The following RNF10 variants were observed in gnomAD, a reference collection of about 807,000 sequenced individuals.
The protein encoded by RNF10 is E3 ubiquitin-protein ligase RNF10.
RNF10 carries 38 observed loss-of-function variants against 91.4 expected under a neutral mutation model. That is an observed-to-expected ratio of 0.42 (90% CI 0.32 to 0.54). The LOEUF (loss-of-function observed/expected upper bound fraction) is 0.54, where lower values mean the gene tolerates loss of function less well. Ranked by LOEUF, RNF10 falls within the 20% of genes least tolerant of loss-of-function variation. The probability of loss-of-function intolerance (pLI) is 0.16; values close to 1 mark genes in which losing one functional copy is unlikely to be tolerated. For synonymous variants in RNF10, 364 were observed against 366.3 expected, an observed-to-expected ratio of 0.99 and a Z score of 0.07; for missense variants, 945 against 1,012.0, an observed-to-expected ratio of 0.93 and a Z score of 0.90.
At position 120,576,885 on chromosome 12, in the gene RNF10, G is replaced by T; in HGVS notation, c.*219G>T. On this transcript the variant is annotated 3_prime_UTR_variant, in exon 17 of 17. Transcript: ENST00000325954. The stretch of plus-strand genomic sequence containing the variant: ...ACACCAAAATAAAGTATTGACACAA[G>T]AGATCTCTTCCTGCCAAGGTTTTTA... 1 of 534,020 alleles carries T rather than the reference G, an allele frequency of 1.9e-6. No individual in the cohort carries two copies. The highest frequency in any genetic ancestry group is 3.2e-6 in the Non-Finnish European group (1 of 309,592). 33.1% of individuals were successfully genotyped at this position (534,020 alleles called of 1,614,324 possible). A position where few individuals can be genotyped will look rare whatever the true frequency, so the allele number is the denominator to read the frequency against.
intron 2 of RNF10, among the ~76,000 whole-genome samples, chr12:120,546,999 C>T (rs935598162): frequency 2.0e-5 from 3 of 152,106 alleles, no homozygotes; most frequent in African/African-American, 4.8e-5. Context: ...AGTTTCTTAG[C>T]TATGCTTCTG....
chr12:120,565,424 G>A lies in RNF10; in HGVS notation c.1784-4G>A. The A allele has an allele frequency of 6.2e-7, 1 of 1,613,860 alleles. No individual in the cohort carries two copies. The highest frequency in any genetic ancestry group is 1.1e-5 in the South Asian group (1 of 91,070). On this transcript the variant is annotated splice_region_variant and splice_polypyrimidine_tract_variant and intron_variant, in intron 11 of 16. Transcript: ENST00000325954. ...TACCTCTTTACAACCTGACCAATCTGCAGATGACATTGAGAAGAGGAAACG... is the reference window on the plus strand; with the variant it reads ...TACCTCTTTACAACCTGACCAATCTACAGATGACATTGAGAAGAGGAAACG...
chr12:120,537,835 C>T (rs1179875496), intron 1 of RNF10, among the ~76,000 whole-genome samples: 2 of 152,104 alleles, frequency 1.3e-5, no homozygotes, highest in African/African-American at 4.8e-5. Flanking sequence ...TAATCCACTG[C>T]TTGCATTTAG....
intron 2 of RNF10, among the ~76,000 whole-genome samples, chr12:120,549,164 TG>T (rs1256574809): frequency 1.3e-5 from 2 of 152,044 alleles, no homozygotes; most frequent in African/African-American, 2.4e-5. Context: ...AAGGAAGGCC[TG>T]GTGATGGAGG....
In RNF10 at chr12:120,562,940, G is replaced by A. The variant is rs563786892; in HGVS notation, c.1129-5G>A. On this transcript the variant is annotated splice_region_variant and splice_polypyrimidine_tract_variant and intron_variant, in intron 7 of 16. Transcript: ENST00000325954. The stretch of plus-strand genomic sequence containing the variant: ...CTTCTCTGGTGTTCTCTCTGGCCAC[G>A]TTAGACTCGGGAAGAGGCTCTGTCG... 1.5e-4 allele frequency: 240 copies of A among 1,613,878 alleles called. 5 individuals are homozygous for A. The South Asian group carries it at 2.4e-3, about 16-fold the overall frequency.
chr12:120,535,443 C>T (rs554304682), intron 1 of RNF10: 1 of 152,570 alleles, frequency 6.6e-6, no homozygotes, highest in Admixed American at 6.5e-5. Context: ...ATCCATTCCT[C>T]TGTCGAAGAG....
At chr12:120,539,513 C>G (rs928218735) in intron 1 of RNF10, 4 of 957,264 alleles carry the variant, frequency 4.2e-6, no homozygotes, top group Non-Finnish European at 5.8e-6. Context: ...GCAGCAGAAA[C>G]TTGCTGACTG....
rs1873704986 is a variant in RNF10 at position 120,554,748 on chromosome 12, C to A, written c.585C>A (p.Asp195Glu). The change falls in exon 4 of 17, where the codon GAC becomes GAA. Residue 195 changes from aspartate to glutamate, a missense_variant. Transcript: ENST00000325954. The stretch of plus-strand genomic sequence containing the variant: ...AATTTGTGGTGTCTGAAGACCAAGA[C>A]TACACAGCTCATTTTGCTGATCCTG... ...NCQFVVSEDQ[D>E]YTAHFADPDT... 3.1e-6 allele frequency: 5 copies of A among 1,614,128 alleles called. No homozygotes were observed. Among genetic ancestry groups the A allele is most frequent in the Non-Finnish European group, 4.2e-6 (5 of 1,179,980 alleles).
At chr12:120,574,713 G>T (rs897276317) in intron 14 of RNF10, 1 of 343,046 alleles carries the variant, frequency 2.9e-6, no homozygotes, top group Non-Finnish European at 5.7e-6. Flanking sequence ...ATCACCTGAG[G>T]TCAGGAGTTC....
intron 13 of RNF10, among the ~76,000 whole-genome samples, chr12:120,570,018 G>A (rs1876388833): frequency 6.6e-6 from 1 of 151,930 alleles, no homozygotes; most frequent in Admixed American, 6.6e-5. Flanking sequence ...CCAGCCTCCT[G>A]AGTAGCTGTG....
At chr12:120,558,850 G>A (rs1223052625) in intron 6 of RNF10, among the ~76,000 whole-genome samples, 2 of 151,716 alleles carry the variant, frequency 1.3e-5, no homozygotes, top group African/African-American at 4.8e-5. Flanking sequence ...GATTACAGGC[G>A]TGAGCCACTG....
chr12:120,552,420 A>C (rs1873242715), intron 2 of RNF10, 79 bp from the exon 3 acceptor site: 1 of 1,240,722 alleles, frequency 8.1e-7, no homozygotes, highest in South Asian at 1.3e-5. Context: ...GCTGTGTAAA[A>C]GGAGGGTTTT....
chr12:120,547,368 T>C (rs897640560), intron 2 of RNF10, among the ~76,000 whole-genome samples: 6 of 152,188 alleles, frequency 3.9e-5, no homozygotes, highest in Admixed American at 3.9e-4. Context: ...CATGGCTCAC[T>C]GCAGCCTTGA....
chr12:120,563,989 C>A lies in RNF10; in HGVS notation c.1665+46C>A, dbSNP rs200067824. 6 of 1,610,802 alleles carry A rather than the reference C, an allele frequency of 3.7e-6. No individual in the cohort carries two copies. The African/African-American group carries it at 8.0e-5, about 22-fold the overall frequency. On this transcript the variant is annotated intron_variant, in intron 10 of 16. Transcript: ENST00000325954. The stretch of plus-strand genomic sequence containing the variant: ...TGGAGGGTCAGGCAGCAGTATTAAC[C>A]TAATCTCTTTGAGGTAGGCCTAGCC...
intron 3 of RNF10, among the ~76,000 whole-genome samples, chr12:120,553,062 T>G (rs1873385261): frequency 5.3e-4 from 3 of 5,672 alleles, no homozygotes; most frequent in Non-Finnish European, 5.1e-4. Context: ...TTTTTTTTTT[T>G]TTTTTTTTTT....
At chr12:120,537,210 CA>C (rs1193867081) in intron 1 of RNF10, among the ~76,000 whole-genome samples, 1 of 151,360 alleles carries the variant, frequency 6.6e-6, no homozygotes, top group Non-Finnish European at 1.5e-5. Context: ...GAGGCTGAGG[CA>C]GGGGAGGAGG....
At chr12:120,575,525 AGGTGATAGTT>A (rs963524709) in intron 14 of RNF10, 96 bp from the exon 15 acceptor site, 2 of 1,186,148 alleles carry the variant, frequency 1.7e-6, no homozygotes, top group African/African-American at 3.0e-5. Flanking sequence ...ATCTTTTCAA[AGGTGATAGTT>A]GGTTCTGTGC....
chr12:120,549,437 G>A (rs1300014767), intron 2 of RNF10, among the ~76,000 whole-genome samples: 1 of 152,190 alleles, frequency 6.6e-6, no homozygotes, highest in East Asian at 1.9e-4. Context: ...TAGGAAAAGA[G>A]TTGAATTAAT....
At position 120,563,767 on chromosome 12, in the gene RNF10, G is replaced by A. The variant is rs557438979; in HGVS notation, c.1532-43G>A. 2.0e-5 allele frequency: 32 copies of A among 1,609,086 alleles called. No homozygotes were observed. The South Asian group carries it at 3.2e-4, about 16-fold the overall frequency. ...TGGGGAGGGGTGGGGAGCCTCCTGG[G>A]GACTGGCCAAGACTGGTGTGTGATA... On this transcript the variant is annotated intron_variant, in intron 9 of 16. Coordinates refer to ENST00000325954, the MANE Select transcript of RNF10 (RefSeq NM_014868.5).
Sources: allele counts gnomAD v4.1 joint callset (sites outside exome capture counted in the v4.1 genomes callset), GRCh38; gene constraint gnomAD v4.1.1; transcripts MANE v1.5; gene names NCBI Gene and HGNC (gene_info 2026-07-23, HGNC 2026-07-21).